Variants in MND1 observed in about 807,000 individuals in gnomAD.
MND1 encodes the protein meiotic nuclear division protein 1 homolog.
MND1 carries 28 observed loss-of-function variants against 35.1 expected under a neutral mutation model. That is an observed-to-expected ratio of 0.80 (90% CI 0.59 to 1.09). MND1 has a LOEUF of 1.09. Ranked by LOEUF, MND1 falls within the 50% of genes least tolerant of loss-of-function variation. MND1 has a pLI of 0.00. For synonymous variants in MND1, 69 were observed against 70.5 expected (o/e 0.98, Z 0.11); for missense variants, 213 against 239.6 (o/e 0.89, Z 0.73).
intron 2 of MND1, among the ~76,000 whole-genome samples, chr4:153,351,301 A>G (rs1272619094): frequency 1.3e-5 from 2 of 152,224 alleles, no homozygotes; most frequent in African/African-American, 4.8e-5. Flanking sequence ...CCTTAGTAAC[A>G]TCAAAACATG....
chr4:153,393,924 C>CTTTTTTTTTTT (rs36028750), intron 4 of MND1, among the ~76,000 whole-genome samples: 603 of 56,508 alleles, frequency 0.011, 54 homozygotes, highest in Non-Finnish European at 0.012. Context: ...ACTTTGTTTT[C>CTTTTTTTTTTT]TTTTTTTTTT....
At chr4:153,365,472 G>A (rs1475101284) in intron 4 of MND1, among the ~76,000 whole-genome samples, 2 of 152,164 alleles carry the variant, frequency 1.3e-5, no homozygotes, top group Admixed American at 6.5e-5. Context: ...GTTAACAAAG[G>A]TTGAAAGCAG....
chr4:153,369,454 A>C (rs773822623), intron 4 of MND1, among the ~76,000 whole-genome samples: 4 of 152,254 alleles, frequency 2.6e-5, no homozygotes, highest in Non-Finnish European at 5.9e-5. Flanking sequence ...GGAATAATGC[A>C]ATAAAGTGAG....
intron 6 of MND1, among the ~76,000 whole-genome samples, chr4:153,397,954 T>C (rs17029929): frequency 0.28 from 42,160 of 152,070 alleles, 6,634 homozygotes; most frequent in African/African-American, 0.43. Flanking sequence ...ACTGAGGAGT[T>C]AGTAAAAGAG....
chr4:153,376,527 G>GC (rs1347876777), intron 4 of MND1, among the ~76,000 whole-genome samples: 1 of 152,122 alleles, frequency 6.6e-6, no homozygotes, highest in Non-Finnish European at 1.5e-5. Context: ...AGTGGACATA[G>GC]CATGGGGTAC....
intron 4 of MND1, among the ~76,000 whole-genome samples, chr4:153,385,235 A>G (rs141104328): frequency 1.3e-5 from 2 of 152,242 alleles, no homozygotes; most frequent in Non-Finnish European, 2.9e-5. Flanking sequence ...GAGGAATAGG[A>G]TGTTTTAAAT....
At chr4:153,411,898 G>A (rs1020130132) in intron 7 of MND1, among the ~76,000 whole-genome samples, 1 of 152,102 alleles carries the variant, frequency 6.6e-6, no homozygotes, top group African/African-American at 2.4e-5. Context: ...TGAAGGCATA[G>A]GTTTTTCACA....
chr4:153,363,835 G>A (rs2149636645), intron 4 of MND1, among the ~76,000 whole-genome samples: 1 of 152,298 alleles, frequency 6.6e-6, no homozygotes, highest in South Asian at 2.1e-4. Context: ...GGGAAATGGA[G>A]CCTAGGATCA....
chr4:153,348,443 A>G (rs949365049), intron 1 of MND1, among the ~76,000 whole-genome samples: 1 of 152,336 alleles, frequency 6.6e-6, no homozygotes, highest in East Asian at 1.9e-4. Context: ...AGGTCTCAGC[A>G]TAAGTGTTAA....
chr4:153,351,369 A>G (rs1773213821), intron 2 of MND1, among the ~76,000 whole-genome samples: 1 of 152,182 alleles, frequency 6.6e-6, no homozygotes, highest in Non-Finnish European at 1.5e-5. Flanking sequence ...GTTTTCCATA[A>G]AGCTGGGAAT....
At chr4:153,400,434 T>TA (rs1729318622) in intron 6 of MND1, among the ~76,000 whole-genome samples, 1 of 152,318 alleles carries the variant, frequency 6.6e-6, no homozygotes, top group East Asian at 1.9e-4. Context: ...ATGCCTGTAA[T>TA]CCCAGCACTT....
intron 7 of MND1, 147 bp from the exon 8 acceptor site, chr4:153,414,604 G>T: frequency 2.3e-6 from 1 of 441,858 alleles, no homozygotes; most frequent in South Asian, 4.1e-5. Context: ...TTAATTAGTT[G>T]CCATTACTCT....
At chr4:153,404,759 A>G (rs1487904698) in intron 6 of MND1, among the ~76,000 whole-genome samples, 1 of 152,072 alleles carries the variant, frequency 6.6e-6, no homozygotes, top group Non-Finnish European at 1.5e-5. Context: ...GATTACAGGC[A>G]TGAGCCACCA....
chr4:153,402,470 AG>A (rs1221024739), intron 6 of MND1, among the ~76,000 whole-genome samples: 3 of 152,238 alleles, frequency 2.0e-5, no homozygotes, highest in Non-Finnish European at 4.4e-5. Context: ...AAAGGCTTAC[AG>A]GAGCCTACTG....
intron 4 of MND1, among the ~76,000 whole-genome samples, chr4:153,389,624 G>C (rs1237259646): frequency 2.0e-5 from 3 of 152,172 alleles, no homozygotes; most frequent in African/African-American, 7.2e-5. Context: ...GCCTCTCAAA[G>C]TGCTGGGATT....
intron 6 of MND1, among the ~76,000 whole-genome samples, chr4:153,405,168 C>A (rs1216868346): frequency 6.6e-6 from 1 of 151,990 alleles, no homozygotes; most frequent in Non-Finnish European, 1.5e-5. Flanking sequence ...TGCAAGAGAT[C>A]CAGAATAGTC....
chr4:153,362,166 C>T (rs1773511835), intron 4 of MND1, among the ~76,000 whole-genome samples: 1 of 152,100 alleles, frequency 6.6e-6, no homozygotes. Flanking sequence ...TTTTCCTATA[C>T]TGTTCTATTT....
chr4:153,376,038 A>C (rs1728496494), intron 4 of MND1, among the ~76,000 whole-genome samples: 1 of 152,070 alleles, frequency 6.6e-6, no homozygotes, highest in African/African-American at 2.4e-5. Flanking sequence ...AATATATGTA[A>C]ATTTTTTTAG....
chr4:153,394,464 C>T (rs1018827201), intron 5 of MND1, 128 bp downstream of exon 5: 1 of 620,660 alleles, frequency 1.6e-6, no homozygotes, highest in Non-Finnish European at 2.7e-6. Context: ...AGGATAGGAA[C>T]GTTTGACCTG....
Sources: allele counts gnomAD v4.1 joint callset (sites outside exome capture counted in the v4.1 genomes callset), GRCh38; gene constraint gnomAD v4.1.1; transcripts MANE v1.5; gene names NCBI Gene and HGNC (gene_info 2026-07-23, HGNC 2026-07-21).